RFX4: variants seen among roughly 807,000 people sequenced by gnomAD.
RFX4 encodes the protein transcription factor RFX4.
In RFX4, 10 loss-of-function variants were observed where a neutral mutation model predicts 95.0. The observed-to-expected ratio is 0.11, with a 90% CI of 0.06 to 0.18. The LOEUF (loss-of-function observed/expected upper bound fraction) is 0.18, where lower values mean the gene tolerates loss of function less well. Among genes scored for constraint, RFX4 ranks in the 10% least tolerant of loss-of-function variants. The pLI, the probability that RFX4 is intolerant of heterozygous loss-of-function variation, is 1.00. For missense variants in RFX4, 640 were observed against 922.0 expected, an observed-to-expected ratio of 0.69 and a Z score of 3.96; for synonymous variants, 321 against 340.7, an observed-to-expected ratio of 0.94 and a Z score of 0.64.
chr12:106,693,791 A>G (rs1037633112), intron 7 of RFX4, among the ~76,000 whole-genome samples: 3 of 152,224 alleles, frequency 2.0e-5, no homozygotes, highest in African/African-American at 7.2e-5. Flanking sequence ...TCAGAAACAT[A>G]GGCAAGAAAG....
chr12:106,587,095 G>A (rs2039470345), intron 1 of RFX4, among the ~76,000 whole-genome samples: 2 of 152,244 alleles, frequency 1.3e-5, no homozygotes, highest in Non-Finnish European at 2.9e-5. Flanking sequence ...AGGGTTCCGA[G>A]TCCCCGAGGC....
At chr12:106,725,836 T>A (rs2042484465) in intron 13 of RFX4, among the ~76,000 whole-genome samples, 1 of 151,934 alleles carries the variant, frequency 6.6e-6, no homozygotes, top group Non-Finnish European at 1.5e-5. Flanking sequence ...GAAAGTCTCT[T>A]CCTCCAAAAA....
At chr12:106,594,849 T>C (rs958688949) in intron 1 of RFX4, among the ~76,000 whole-genome samples, 1 of 149,782 alleles carries the variant, frequency 6.7e-6, no homozygotes, top group Non-Finnish European at 1.5e-5. Context: ...ATGTTGTATA[T>C]CGATAGCTGA....
At chr12:106,611,181 G>A (rs1266392160) in intron 2 of RFX4, among the ~76,000 whole-genome samples, 1 of 152,112 alleles carries the variant, frequency 6.6e-6, no homozygotes, top group Admixed American at 6.5e-5. Context: ...TTGTTTAGTT[G>A]TAGGAGTTCT....
intron 4 of RFX4, among the ~76,000 whole-genome samples, chr12:106,660,067 G>A (rs2137335308): frequency 6.6e-6 from 1 of 151,968 alleles, no homozygotes; most frequent in South Asian, 2.1e-4. Flanking sequence ...TGAACTCTGG[G>A]GTACTGAGTA....
At chr12:106,615,343 A>G (rs2040052945) in intron 2 of RFX4, among the ~76,000 whole-genome samples, 1 of 152,126 alleles carries the variant, frequency 6.6e-6, no homozygotes, top group South Asian at 2.1e-4. Flanking sequence ...CTTACTGTCT[A>G]TTTTTGGGCT....
At chr12:106,651,885 G>A (rs2040863175) in intron 3 of RFX4, among the ~76,000 whole-genome samples, 1 of 152,152 alleles carries the variant, frequency 6.6e-6, no homozygotes, top group South Asian at 2.1e-4. Context: ...ACACTGTTCA[G>A]GCCAAAACAA....
chr12:106,672,044 G>A (rs1043633531), intron 4 of RFX4, among the ~76,000 whole-genome samples: 2 of 152,052 alleles, frequency 1.3e-5, no homozygotes, highest in Non-Finnish European at 2.9e-5. Flanking sequence ...GATGCTCAGT[G>A]GCTGACAGTT....
intron 2 of RFX4, among the ~76,000 whole-genome samples, chr12:106,629,977 A>G (rs1176344585): frequency 6.6e-6 from 1 of 152,196 alleles, no homozygotes; most frequent in Non-Finnish European, 1.5e-5. Context: ...ATTTTTGCCA[A>G]TCTGATAAGT....
chr12:106,706,435 G>A (rs369946045), intron 8 of RFX4, among the ~76,000 whole-genome samples: 1 of 152,186 alleles, frequency 6.6e-6, no homozygotes, highest in East Asian at 1.9e-4. Flanking sequence ...GAGAGATGAC[G>A]GCAGCCTGAA....
chr12:106,711,283 A>G (rs961068902), intron 9 of RFX4, among the ~76,000 whole-genome samples, 170 bp from the exon 10 acceptor site: 1 of 152,206 alleles, frequency 6.6e-6, no homozygotes, highest in African/African-American at 2.4e-5. Flanking sequence ...CACATGGGAG[A>G]ACAAAGAATC....
intron 4 of RFX4, among the ~76,000 whole-genome samples, chr12:106,673,449 C>A (rs2041328149): frequency 6.6e-6 from 1 of 152,198 alleles, no homozygotes; most frequent in Non-Finnish European, 1.5e-5. Context: ...CTGCTACGAG[C>A]CTGTGAGATA....
At chr12:106,722,541 T>C (rs1411710574) in intron 13 of RFX4, among the ~76,000 whole-genome samples, 1 of 152,212 alleles carries the variant, frequency 6.6e-6, no homozygotes, top group East Asian at 1.9e-4. Flanking sequence ...TTCCTTGAAA[T>C]GTGTTTCTTT....
At position 106,747,540 on chromosome 12, in the gene RFX4, T is replaced by G. The variant is rs761562932; in HGVS notation, c.1737T>G (p.His579Gln). The change falls in exon 16 of 18, where the codon CAT becomes CAG. Residue 579 changes from histidine (H) to glutamine (Q), a missense_variant. His to Gln is a conservative substitution (Grantham distance 24, BLOSUM62 0). This residue lies in a region of RFX4 where 300 missense variants were observed against 346.8 expected (regional missense o/e 0.87). Coordinates refer to ENST00000392842, the MANE Select transcript of RFX4 (RefSeq NM_213594.3). ...SQQLPCMRNT[H>Q]VPSSSVTHRI... is the part of the protein sequence containing the mutation. ...AGCTGCCCTGTATGAGGAACACTCA[T>G]GTGCCTTCTTCCTCCGTCACACACA... 2 of 1,614,032 alleles carry G rather than the reference T, an allele frequency of 1.2e-6. No homozygotes were observed. The highest frequency in any genetic ancestry group is 8.5e-7 in the Non-Finnish European group (1 of 1,180,026).
intron 15 of RFX4, among the ~76,000 whole-genome samples, chr12:106,745,461 T>C (rs1178566259): frequency 2.0e-5 from 3 of 152,230 alleles, no homozygotes; most frequent in Non-Finnish European, 2.9e-5. Context: ...AATAAGCCAA[T>C]GTATTTAAAA....
chr12:106,685,685 A>G (rs1162664331), intron 5 of RFX4, among the ~76,000 whole-genome samples: 1 of 152,224 alleles, frequency 6.6e-6, no homozygotes. Flanking sequence ...ACTATCTTGC[A>G]GTGTTTTCAG....
intron 13 of RFX4, among the ~76,000 whole-genome samples, chr12:106,722,756 A>C (rs180680183): frequency 2.0e-5 from 3 of 152,238 alleles, no homozygotes; most frequent in Non-Finnish European, 4.4e-5. Flanking sequence ...AGCTCATCTG[A>C]CTCATTGTTG....
chr12:106,753,262 G>A (rs1217370815), intron 17 of RFX4, among the ~76,000 whole-genome samples: 1 of 152,102 alleles, frequency 6.6e-6, no homozygotes, highest in Non-Finnish European at 1.5e-5. Flanking sequence ...GTTCCTCCAT[G>A]TCTTTGCAGA....
chr12:106,634,859 G>C (rs2040480664), intron 2 of RFX4, among the ~76,000 whole-genome samples: 2 of 152,092 alleles, frequency 1.3e-5, no homozygotes, highest in Admixed American at 1.3e-4. Context: ...ACTCCTCTGT[G>C]CCTACCTGTA....
Sources: gnomAD v4.1 joint callset for allele counts (sites outside exome capture counted in the v4.1 genomes callset) on GRCh38, gnomAD v4.1.1 for gene constraint, gnomAD v4.1.1 regional missense constraint, MANE v1.5 for transcripts, NCBI Gene and HGNC (gene_info 2026-07-23, HGNC 2026-07-21) for gene names.